The following PPCDC variants were observed in gnomAD, a reference collection of about 807,000 sequenced individuals.
PPCDC encodes phosphopantothenoylcysteine decarboxylase.
Under a neutral mutation model 20.7 loss-of-function variants are expected in PPCDC, and 20 were observed. The ratio of observed to expected loss-of-function variants is 0.97; its 90% confidence interval spans 0.68 to 1.41. The LOEUF (loss-of-function observed/expected upper bound fraction) is 1.41. Among genes scored for constraint, PPCDC ranks in the 40% most tolerant of loss-of-function variants. PPCDC has a pLI of 0.00. For missense variants in PPCDC, 246 were observed against 263.8 expected (o/e 0.93, Z 0.47); for synonymous variants, 88 against 100.3 (o/e 0.88, Z 0.73).
intron 4 of PPCDC, among the ~76,000 whole-genome samples, chr15:75,046,117 A>T (rs2066230291): frequency 6.6e-6 from 1 of 152,172 alleles, no homozygotes; most frequent in South Asian, 2.1e-4. Context: ...CAGGAGGCTG[A>T]GGTGGGAGGA....
At chr15:75,041,098 T>C (rs984684287) in intron 2 of PPCDC, among the ~76,000 whole-genome samples, 5 of 152,254 alleles carry the variant, frequency 3.3e-5, no homozygotes, top group African/African-American at 1.2e-4. Context: ...CATAACTTAT[T>C]GTGCCCTCTT....
At chr15:75,033,443 C>T (rs1394581786) in intron 2 of PPCDC, among the ~76,000 whole-genome samples, 1 of 152,144 alleles carries the variant, frequency 6.6e-6, no homozygotes, top group African/African-American at 2.4e-5. Flanking sequence ...GGAAGGGAAA[C>T]TTGCATTTTT....
chr15:75,040,416 C>G (rs2066138542), intron 2 of PPCDC, among the ~76,000 whole-genome samples: 1 of 152,136 alleles, frequency 6.6e-6, no homozygotes, highest in African/African-American at 2.4e-5. Context: ...TTTTAATGGG[C>G]TTCTGGGAGG....
intron 2 of PPCDC, among the ~76,000 whole-genome samples, chr15:75,033,555 T>C (rs2141481358): frequency 6.6e-6 from 1 of 152,298 alleles, no homozygotes; most frequent in South Asian, 2.1e-4. Flanking sequence ...AGTGGGGCTT[T>C]TGGTGGGAAT....
chr15:75,029,448 G>A (rs923024492), intron 2 of PPCDC, among the ~76,000 whole-genome samples: 10 of 152,164 alleles, frequency 6.6e-5, no homozygotes, highest in Admixed American at 2.0e-4. Context: ...GGCCGTATCT[G>A]GCATGTCCAG....
intron 2 of PPCDC, among the ~76,000 whole-genome samples, chr15:75,029,017 C>T (rs2141475636): frequency 6.6e-6 from 1 of 152,276 alleles, no homozygotes; most frequent in East Asian, 1.9e-4. Flanking sequence ...TAGCCCCCGT[C>T]CTTGGCCAGA....
At chr15:75,032,009 AGGACAAGGGGAATCCCTCTTTAG>A (rs754729668) in intron 2 of PPCDC, among the ~76,000 whole-genome samples, 3 of 152,234 alleles carry the variant, frequency 2.0e-5, no homozygotes, top group African/African-American at 4.8e-5. Context: ...AGGGGGACTC[AGGACAAGGGGAATCCCTCTTTAG>A]GCAGATAAGA....
chr15:75,037,286 A>G (rs887150376), intron 2 of PPCDC, among the ~76,000 whole-genome samples: 1 of 152,218 alleles, frequency 6.6e-6, no homozygotes, highest in Non-Finnish European at 1.5e-5. Context: ...AAGGGAGGAC[A>G]TGTAACCAGA....
intron 4 of PPCDC, among the ~76,000 whole-genome samples, chr15:75,045,911 A>G (rs961137921): frequency 6.7e-6 from 1 of 149,300 alleles, no homozygotes; most frequent in Non-Finnish European, 1.5e-5. Context: ...CTCTAGTTAA[A>G]AAAAAAAAAA....
In PPCDC at chr15:75,044,402, C is replaced by T. The variant is rs780637131; in HGVS notation, c.248C>T (p.Ser83Phe). 1 of 1,614,078 alleles carries T rather than the reference C, an allele frequency of 6.2e-7. No homozygotes were observed. Residue 83 changes from serine to phenylalanine, a missense_variant, in exon 4 of 6, where the codon TCT becomes TTT. By Grantham distance (155) the Ser-to-Phe change is radical. Transcript: ENST00000342932. ...CTCTGCCAGATATGGAAGAGCCGCTCTGACCCAGTTCTGCACATTGACCTG... is the reference window on the plus strand; with the variant it reads ...CTCTGCCAGATATGGAAGAGCCGCTTTGACCCAGTTCTGCACATTGACCTG... The part of the protein sequence containing the change: ...ADEWEIWKSR[S>F]DPVLHIDLRR...
In PPCDC at chr15:75,028,356, T is replaced by C. The variant is rs1323250114; in HGVS notation, c.38T>C (p.Leu13Ser). 1 of 1,614,102 alleles carries C rather than the reference T, an allele frequency of 6.2e-7. No homozygotes were observed. The highest frequency in any genetic ancestry group is 8.5e-7 in the Non-Finnish European group (1 of 1,180,012). The change falls in exon 2 of 6, where the codon TTG (leucine) becomes TCG (serine). Residue 13 changes from leucine to serine, a missense_variant. Coordinates refer to ENST00000342932, the MANE Select transcript of PPCDC (RefSeq NM_021823.5). ...PKASCPAAAP[L>S]MERKFHVLVG... ...GCCTCCTGTCCAGCTGCTGCACCCTTGATGGAGAGAAAATTCCATGTTCTT... is the reference window on the plus strand; with the variant it reads ...GCCTCCTGTCCAGCTGCTGCACCCTCGATGGAGAGAAAATTCCATGTTCTT...
intron 1 of PPCDC, among the ~76,000 whole-genome samples, chr15:75,027,863 C>T (rs2065975675): frequency 6.6e-6 from 1 of 152,228 alleles, no homozygotes; most frequent in African/African-American, 2.4e-5. Context: ...CCCCAACCTG[C>T]CACCCTCCTC....
intron 2 of PPCDC, among the ~76,000 whole-genome samples, chr15:75,035,385 C>T (rs1330638100): frequency 1.3e-5 from 2 of 152,174 alleles, no homozygotes; most frequent in East Asian, 1.9e-4. Flanking sequence ...TGCCTCTCCA[C>T]GAGTTCCTTT....
At chr15:75,046,709 TG>T (rs1567066297) in intron 4 of PPCDC, among the ~76,000 whole-genome samples, 1 of 152,270 alleles carries the variant, frequency 6.6e-6, no homozygotes, top group African/African-American at 2.4e-5. Context: ...CCTACATCCC[TG>T]AAAGGAAGTT....
chr15:75,036,875 T>C (rs543673255), intron 2 of PPCDC, among the ~76,000 whole-genome samples: 1 of 152,270 alleles, frequency 6.6e-6, no homozygotes, highest in South Asian at 2.1e-4. Context: ...TTTGCCCTGT[T>C]GCCCAGGCTC....
At chr15:75,041,709 GGAGT>G (rs1045927215) in intron 2 of PPCDC, among the ~76,000 whole-genome samples, 1 of 152,186 alleles carries the variant, frequency 6.6e-6, no homozygotes, top group Non-Finnish European at 1.5e-5. Context: ...ATCCTAAGGG[GGAGT>G]GAGATGGAGA....
rs776179760 is a variant in PPCDC, at chr15:75,043,498, A to G, written c.193A>G (p.Ile65Val). ...RAKHFYSPQD[I>V]PVTLYSDADE... ...CAAACATTTCTACAGCCCCCAGGACATTCCTGTCACCCTCTACAGCGACGC... is the reference window on the plus strand; with the variant it reads ...CAAACATTTCTACAGCCCCCAGGACGTTCCTGTCACCCTCTACAGCGACGC... Residue 65 changes from isoleucine to valine, a missense_variant, in exon 3 of 6, where the codon ATT becomes GTT. Coordinates refer to ENST00000342932, the MANE Select transcript of PPCDC (RefSeq NM_021823.5). 6.2e-7 allele frequency: 1 copy of G among 1,612,736 alleles called. No homozygotes were observed. Among genetic ancestry groups the G allele is most frequent in the Non-Finnish European group, 8.5e-7 (1 of 1,179,396 alleles).
chr15:75,042,170 C>A (rs928914098), intron 2 of PPCDC, among the ~76,000 whole-genome samples: 3 of 152,220 alleles, frequency 2.0e-5, no homozygotes, highest in African/African-American at 7.2e-5. Flanking sequence ...ATGACTATAG[C>A]TCTGGCTGGT....
At chr15:75,039,916 C>G (rs1420429662) in intron 2 of PPCDC, among the ~76,000 whole-genome samples, 1 of 151,970 alleles carries the variant, frequency 6.6e-6, no homozygotes, top group Non-Finnish European at 1.5e-5. Context: ...TCCCGAGTAG[C>G]TGGGATTACA....
Sources: allele counts gnomAD v4.1 joint callset (sites outside exome capture counted in the v4.1 genomes callset), GRCh38; gene constraint gnomAD v4.1.1; transcripts MANE v1.5; gene names NCBI Gene and HGNC (gene_info 2026-07-23, HGNC 2026-07-21).